The following HYAL4 variants were observed in gnomAD, a reference collection of about 807,000 sequenced individuals.
The protein encoded by HYAL4 is hyaluronidase 4.
HYAL4 carries 37 observed loss-of-function variants against 35.2 expected under a neutral mutation model. The observed-to-expected ratio is 1.05, with a 90% confidence interval of 0.81 to 1.38. HYAL4 has a LOEUF of 1.38. Among genes scored for constraint, HYAL4 ranks in the 40% most tolerant of loss-of-function variants. The probability of loss-of-function intolerance (pLI) is 0.00; values close to 1 mark genes in which losing one functional copy is unlikely to be tolerated. For missense variants in HYAL4, 572 were observed against 572.4 expected, an observed-to-expected ratio of 1.00 and a Z score of 0.01; for synonymous variants, 198 against 203.2, an observed-to-expected ratio of 0.97 and a Z score of 0.22.
chr7:123,830,791 C>G (rs1306514131), intron 1 of HYAL4, among the ~76,000 whole-genome samples: 1 of 152,080 alleles, frequency 6.6e-6, no homozygotes, highest in East Asian at 1.9e-4. Context: ...ATCTTTGTCT[C>G]AAGATAATTT....
chr7:123,869,522 G>A (rs967361536), intron 3 of HYAL4, among the ~76,000 whole-genome samples: 2 of 152,070 alleles, frequency 1.3e-5, no homozygotes, highest in Non-Finnish European at 2.9e-5. Flanking sequence ...ACTTACAATC[G>A]GGCATTTTGG....
chr7:123,867,779 A>G (rs1387500102), intron 2 of HYAL4, among the ~76,000 whole-genome samples: 1 of 152,152 alleles, frequency 6.6e-6, no homozygotes, highest in Non-Finnish European at 1.5e-5. Context: ...AAGCCTTTTC[A>G]TCTCTCTAAG....
chr7:123,819,166 C>G, the HYAL4 span, among the ~76,000 whole-genome samples: 1 of 152,158 alleles, frequency 6.6e-6, no homozygotes, highest in Non-Finnish European at 1.5e-5. Flanking sequence ...TTTTCAGATT[C>G]TATCTGAGTG....
At chr7:123,844,960 C>T (rs1178278700), upstream of HYAL4, 2 of 152,174 alleles carry the variant, frequency 1.3e-5, no homozygotes, top group Non-Finnish European at 2.9e-5. Context: ...AAGGGAAATC[C>T]CCCAATCTCT....
Position 123,877,278 on chromosome 7 carries a change from A to G in HYAL4, c.*123A>G, listed in dbSNP as rs1384808004. 4.2e-6 allele frequency: 4 copies of G among 947,796 alleles called. No individual in the cohort carries two copies. The highest frequency in any genetic ancestry group is 1.7e-5 in the African/African-American group (1 of 60,304). 58.7% of individuals were successfully genotyped at this position (947,796 alleles called of 1,614,324 possible). ...GAGATATTATAAGTAGACATTATGTATGTCACTTAACATAAACAGAAACAT... is the reference window on the plus strand; with the variant it reads ...GAGATATTATAAGTAGACATTATGTGTGTCACTTAACATAAACAGAAACAT... On this transcript the variant is annotated 3_prime_UTR_variant, in exon 5 of 5. Coordinates refer to ENST00000223026, the MANE Select transcript of HYAL4 (RefSeq NM_012269.3).
the HYAL4 span, among the ~76,000 whole-genome samples, chr7:123,799,903 G>A: frequency 4.6e-5 from 7 of 152,028 alleles, no homozygotes; most frequent in Non-Finnish European, 1.0e-4. Context: ...GCTCACGCCT[G>A]TAATCCCAGC....
upstream of HYAL4, among the ~76,000 whole-genome samples, chr7:123,828,309 A>G (rs1805829391): frequency 6.6e-6 from 1 of 152,188 alleles, no homozygotes; most frequent in South Asian, 2.1e-4. Flanking sequence ...TGCTACATGT[A>G]TCAACATAAA....
intron 3 of HYAL4, among the ~76,000 whole-genome samples, chr7:123,869,687 T>G (rs995065354): frequency 7.4e-6 from 1 of 134,646 alleles, no homozygotes; most frequent in African/African-American, 2.8e-5. Context: ...CTTTGTTTTG[T>G]TTTTTTTTTT....
rs746743085 is a variant in HYAL4, at chr7:123,877,179, G to T, written c.*24G>T. On this transcript the variant is annotated 3_prime_UTR_variant, in exon 5 of 5. Transcript: ENST00000223026. ...GAGATAATTGAGTTTAAAGGGAATTGTGTGGCCTCTAGCCTAGTCATTTAA... is the reference window on the plus strand; with the variant it reads ...GAGATAATTGAGTTTAAAGGGAATTTTGTGGCCTCTAGCCTAGTCATTTAA... 1.9e-6 allele frequency: 3 copies of T among 1,599,046 alleles called. No individual in the cohort carries two copies. The highest frequency in any genetic ancestry group is 2.6e-6 in the Non-Finnish European group (3 of 1,171,274).
At chr7:123,775,865 G>C in the HYAL4 span, among the ~76,000 whole-genome samples, 5 of 152,074 alleles carry the variant, frequency 3.3e-5, no homozygotes, top group Admixed American at 3.3e-4. Flanking sequence ...CCCTAAACCA[G>C]AACTTGGAAG....
At chr7:123,782,890 C>G in the HYAL4 span, among the ~76,000 whole-genome samples, 2 of 152,048 alleles carry the variant, frequency 1.3e-5, no homozygotes, top group Non-Finnish European at 2.9e-5. Flanking sequence ...CCACAGAACA[C>G]ACTTAAAATT....
chr7:123,786,357 C>T, the HYAL4 span, among the ~76,000 whole-genome samples: 1 of 152,202 alleles, frequency 6.6e-6, no homozygotes, highest in African/African-American at 2.4e-5. Context: ...GATTTTTCTA[C>T]ATATTTCCAC....
rs1322027884 is a variant in HYAL4 at position 123,833,372 on chromosome 7, T to G, written c.-257+4248T>G. ...TTTCATATGTTTGATGGCCCGTGTA[T>G]ATCTTCTTTTGATAGTTTTCTATTC... On this transcript the variant is annotated intron_variant, in intron 1 of 4. Transcript: ENST00000489978. Among the ~76,000 whole-genome samples the G allele has an allele frequency of 4.0e-5, 6 of 149,938 alleles. No homozygotes were observed. In the Admixed American group the frequency reaches 4.0e-4, roughly 10 times the overall value.
chr7:123,813,190 A>G, the HYAL4 span, among the ~76,000 whole-genome samples: 1 of 152,194 alleles, frequency 6.6e-6, no homozygotes, highest in Non-Finnish European at 1.5e-5. Flanking sequence ...GTTTAATTAT[A>G]TCAGAGAAAA....
chr7:123,854,743 G>T (rs186760008), intron 2 of HYAL4, among the ~76,000 whole-genome samples: 164 of 152,276 alleles, frequency 1.1e-3, no homozygotes, highest in African/African-American at 3.7e-3. Context: ...AGGTCTACTT[G>T]GTCCAGAGCT....
At chr7:123,788,481 A>G in the HYAL4 span, among the ~76,000 whole-genome samples, 2 of 152,216 alleles carry the variant, frequency 1.3e-5, no homozygotes, top group African/African-American at 2.4e-5. Context: ...CAAATATGCT[A>G]AATTGAAATT....
chr7:123,810,049 T>C, the HYAL4 span, among the ~76,000 whole-genome samples: 1 of 152,244 alleles, frequency 6.6e-6, no homozygotes, highest in African/African-American at 2.4e-5. Context: ...AACTCTTTTT[T>C]CGTTCTTCTG....
At chr7:123,848,055 C>T (rs764154982) in intron 1 of HYAL4, 34 bp from the exon 2 acceptor site, 2 of 152,534 alleles carry the variant, frequency 1.3e-5, no homozygotes, top group Admixed American at 1.3e-4. Context: ...CTGAGTCACC[C>T]CTGTAATAAC....
chr7:123,847,351 C>T (rs1806196141), intron 1 of HYAL4, among the ~76,000 whole-genome samples: 1 of 152,130 alleles, frequency 6.6e-6, no homozygotes, highest in African/African-American at 2.4e-5. Flanking sequence ...AATAAATACA[C>T]ATGTTCAGCT....
Sources: gnomAD v4.1 joint callset for allele counts (sites outside exome capture counted in the v4.1 genomes callset) on GRCh38, gnomAD v4.1.1 for gene constraint, MANE v1.5 for transcripts, NCBI Gene and HGNC (gene_info 2026-07-23, HGNC 2026-07-21) for gene names.